The following CD44 variants were observed in gnomAD, a reference collection of about 807,000 sequenced individuals.
CD44 encodes the protein CD44 antigen.
CD44 carries 49 observed loss-of-function variants against 88.8 expected under a neutral mutation model. The ratio of observed to expected loss-of-function variants is 0.55; its 90% CI spans 0.44 to 0.70. CD44 has a LOEUF of 0.70. Among genes scored for constraint, CD44 ranks in the 30% least tolerant of loss-of-function variants. The pLI, the probability that CD44 is intolerant of heterozygous loss-of-function variation, is 0.00. For missense variants in CD44, 883 were observed against 913.8 expected, an observed-to-expected ratio of 0.97 and a Z score of 0.43; for synonymous variants, 325 against 312.3, an observed-to-expected ratio of 1.04 and a Z score of -0.43.
At chr11:35,154,751 C>T (rs118065209) in intron 1 of CD44, among the ~76,000 whole-genome samples, 35 of 152,132 alleles carry the variant, frequency 2.3e-4, no homozygotes, top group Non-Finnish European at 1.0e-4. Flanking sequence ...TCATGTGTCT[C>T]GTGTGATTGT....
At chr11:35,167,258 G>A (rs1943394761) in intron 1 of CD44, among the ~76,000 whole-genome samples, 1 of 151,994 alleles carries the variant, frequency 6.6e-6, no homozygotes, top group African/African-American at 2.4e-5. Flanking sequence ...AGTTTTGTGT[G>A]TGTGTGTGTG....
At chr11:35,196,100 G>C (rs1351451630) in intron 5 of CD44, among the ~76,000 whole-genome samples, 1 of 152,152 alleles carries the variant, frequency 6.6e-6, no homozygotes, top group Non-Finnish European at 1.5e-5. Context: ...ACTCTGAAGA[G>C]CTGGGTTTTA....
At position 35,180,290 on chromosome 11, in the gene CD44, G is replaced by C; in HGVS notation, c.250G>C (p.Gly84Arg). 1 of 1,614,116 alleles carries C rather than the reference G, an allele frequency of 6.2e-7. No individual in the cohort carries two copies. The highest frequency in any genetic ancestry group is 8.5e-7 in the Non-Finnish European group (1 of 1,180,002). ...FETCRYGFIE[G>R]HVVIPRIHPN... is the part of the protein sequence containing the mutation. ...CTCTTACAGGTATGGGTTCATAGAAGGGCACGTGGTGATTCCCCGGATCCA... is the reference window on the plus strand; with the variant it reads ...CTCTTACAGGTATGGGTTCATAGAACGGCACGTGGTGATTCCCCGGATCCA... Residue 84 changes from glycine to arginine, a missense_variant, in exon 3 of 18, where the codon GGG (glycine) becomes CGG (arginine). By Grantham distance (125) the Gly-to-Arg change is moderately radical (BLOSUM62 -2). This residue lies in a region of CD44 where 252 missense variants were observed against 322.9 expected (regional missense o/e 0.78). Coordinates refer to ENST00000428726, the MANE Select transcript of CD44 (RefSeq NM_000610.4).
intron 1 of CD44, among the ~76,000 whole-genome samples, chr11:35,170,679 C>T (rs907826886): frequency 1.3e-5 from 2 of 152,204 alleles, no homozygotes; most frequent in African/African-American, 4.8e-5. Flanking sequence ...TTATTTCCAG[C>T]CAGAAAGGCT....
intron 1 of CD44, among the ~76,000 whole-genome samples, chr11:35,172,678 T>G (rs1944036102): frequency 6.6e-6 from 1 of 152,186 alleles, no homozygotes; most frequent in Non-Finnish European, 1.5e-5. Flanking sequence ...AATGATTTTT[T>G]CATTCTTCCA....
chr11:35,176,472 C>T, intron 1 of CD44, 103 bp from the exon 2 acceptor site: 1 of 1,068,800 alleles, frequency 9.4e-7, no homozygotes, highest in Non-Finnish European at 1.3e-6. Context: ...GCCACCGCGC[C>T]CGGCCTTATT....
intron 1 of CD44, among the ~76,000 whole-genome samples, chr11:35,168,922 C>T (rs77006054): frequency 0.071 from 10,881 of 152,240 alleles, 446 homozygotes; most frequent in Non-Finnish European, 0.091. Context: ...CACATTCAGA[C>T]AGACAAAGCC....
intron 3 of CD44, among the ~76,000 whole-genome samples, chr11:35,181,132 G>T (rs1944946960): frequency 6.6e-6 from 1 of 152,186 alleles, no homozygotes; most frequent in South Asian, 2.1e-4. Context: ...TGGGGTGTAA[G>T]TCAAATGTCT....
At chr11:35,204,738 G>A in intron 10 of CD44, 98 bp downstream of exon 10, 1 of 1,075,032 alleles carries the variant, frequency 9.3e-7, no homozygotes, top group Non-Finnish European at 1.4e-6. Flanking sequence ...TGGAGGAATT[G>A]TCACGAGATG....
intron 11 of CD44, among the ~76,000 whole-genome samples, chr11:35,206,666 T>TGGAGGGGGGG (rs144689531): frequency 8.6e-6 from 1 of 115,864 alleles, no homozygotes; most frequent in Non-Finnish European, 1.7e-5. Flanking sequence ...TGGTGGGGGT[T>TGGAGGGGGGG]GGTGGGGGGG....
At chr11:35,218,517 C>G (rs1479785825) in intron 15 of CD44, among the ~76,000 whole-genome samples, 1 of 151,964 alleles carries the variant, frequency 6.6e-6, no homozygotes, top group South Asian at 2.1e-4. Context: ...TTAGTAGAGA[C>G]GGGGTTTCAC....
chr11:35,156,719 C>T (rs1941916093), intron 1 of CD44, among the ~76,000 whole-genome samples: 1 of 152,204 alleles, frequency 6.6e-6, no homozygotes, highest in Non-Finnish European at 1.5e-5. Flanking sequence ...GTGTCTGTTA[C>T]ATTTATCATG....
intron 1 of CD44, among the ~76,000 whole-genome samples, chr11:35,156,197 G>T (rs1043807835): frequency 3.3e-5 from 5 of 152,244 alleles, no homozygotes; most frequent in Admixed American, 3.3e-4. Flanking sequence ...AAGCTTAAGG[G>T]TCTAGCATCT....
chr11:35,188,454 A>G (rs1295508771), intron 4 of CD44, among the ~76,000 whole-genome samples: 2 of 152,174 alleles, frequency 1.3e-5, no homozygotes, highest in Non-Finnish European at 2.9e-5. Flanking sequence ...AAAAGACACT[A>G]TGTCTAATGT....
At chr11:35,214,142 T>C (rs1336414644) in intron 14 of CD44, 1 of 151,968 alleles carries the variant, frequency 6.6e-6, no homozygotes, top group Non-Finnish European at 1.5e-5. Flanking sequence ...TGGTGATAGA[T>C]GTTTGAGAAG....
intron 1 of CD44, among the ~76,000 whole-genome samples, chr11:35,142,106 T>A (rs920062845): frequency 6.6e-6 from 1 of 152,040 alleles, no homozygotes; most frequent in African/African-American, 2.4e-5. Context: ...AGGAAGAAAG[T>A]GGCCCTTGGT....
chr11:35,219,351 A>T lies in CD44; in HGVS notation c.1909A>T (p.Thr637Ser). Residue 637 changes from threonine to serine, a missense_variant, in exon 16 of 18, where the codon ACA becomes TCA. Coordinates refer to ENST00000428726, the MANE Select transcript of CD44 (RefSeq NM_000610.4). Reference protein sequence around the residue: ...SHGSQEGGANTTSGPIRTPQI... With the variant: ...SHGSQEGGANSTSGPIRTPQI... ...TGGGAGTCAAGAAGGTGGAGCAAACACAACCTCTGGTCCTATAAGGACACC... is the reference window on the plus strand; with the variant it reads ...TGGGAGTCAAGAAGGTGGAGCAAACTCAACCTCTGGTCCTATAAGGACACC... 6.2e-7 allele frequency: 1 copy of T among 1,613,986 alleles called. No homozygotes were observed. The highest frequency in any genetic ancestry group is 8.5e-7 in the Non-Finnish European group (1 of 1,179,920).
chr11:35,206,493 GT>G (rs1402031867), intron 11 of CD44, among the ~76,000 whole-genome samples: 5 of 152,168 alleles, frequency 3.3e-5, no homozygotes, highest in Non-Finnish European at 1.5e-5. Flanking sequence ...AAATATATCT[GT>G]GTGAGGCAGT....
chr11:35,209,825 GA>G (rs2134171839), intron 12 of CD44, 139 bp from the exon 13 acceptor site: 1 of 602,144 alleles, frequency 1.7e-6, no homozygotes, highest in East Asian at 3.1e-5. Flanking sequence ...TCAATCAGAG[GA>G]GAATTGTGTG....
Sources: allele counts gnomAD v4.1 joint callset (sites outside exome capture counted in the v4.1 genomes callset), GRCh38; gene constraint gnomAD v4.1.1; regional missense constraint gnomAD v4.1.1; transcripts MANE v1.5; gene names NCBI Gene and HGNC (gene_info 2026-07-23, HGNC 2026-07-21).